Variants in RAF1 observed in about 807,000 individuals in gnomAD.
The protein encoded by RAF1 is Raf-1 proto-oncogene, serine/threonine kinase.
A neutral mutation model predicts 81.1 loss-of-function variants in RAF1; 27 were observed. That is an observed-to-expected ratio of 0.33 (90% CI 0.25 to 0.46). RAF1 has a LOEUF of 0.46. Among genes scored for constraint, RAF1 ranks in the 20% least tolerant of loss-of-function variants. The probability of loss-of-function intolerance (pLI) is 1.00; values close to 1 mark genes in which losing one functional copy is unlikely to be tolerated. For synonymous variants in RAF1, 298 were observed against 294.0 expected (o/e 1.01, Z -0.14); for missense variants, 598 against 826.0 (o/e 0.72, Z 3.38).
chr3:12,634,161 T>C (rs1459488149), intron 1 of RAF1, among the ~76,000 whole-genome samples: 2 of 151,516 alleles, frequency 1.3e-5, no homozygotes, highest in African/African-American at 4.9e-5. Context: ...CTCTTTTTTT[T>C]TTTTTGAGAT....
rs1182899153 is a variant in RAF1 at position 12,584,433 on chromosome 3, C to A, written c.*81G>T. ...GCTTCTCTGAAAACATGTGTTCTGC[C>A]TCTGGAGAAAGGGAGCAGAAAAGTG... On this transcript the variant is annotated 3_prime_UTR_variant, in exon 18 of 18. Transcript: ENST00000442415. 1.1e-5 allele frequency: 18 copies of A among 1,568,570 alleles called. No homozygotes were observed. The highest frequency in any genetic ancestry group is 1.6e-5 in the Non-Finnish European group (18 of 1,141,134).
At chr3:12,609,129 A>G in intron 4 of RAF1, 104 bp downstream of exon 4, 2 of 1,087,724 alleles carry the variant, frequency 1.8e-6, no homozygotes, top group Non-Finnish European at 2.8e-6. Flanking sequence ...AACTTTAAAC[A>G]ATCCAACTAT....
At chr3:12,596,765 A>T (rs1306096320) in intron 11 of RAF1, among the ~76,000 whole-genome samples, 1 of 152,226 alleles carries the variant, frequency 6.6e-6, no homozygotes, top group African/African-American at 2.4e-5. Flanking sequence ...AAAACAATCT[A>T]GAAGTTATGT....
At chr3:12,618,899 A>AC (rs1405728841) in intron 1 of RAF1, among the ~76,000 whole-genome samples, 152 bp from the exon 2 acceptor site, 1 of 152,242 alleles carries the variant, frequency 6.6e-6, no homozygotes, top group Admixed American at 6.5e-5. Context: ...TTAATAGTAC[A>AC]CTTCCATTAA....
At chr3:12,618,397 A>T in intron 2 of RAF1, 118 bp downstream of exon 2, 1 of 1,119,222 alleles carries the variant, frequency 8.9e-7, no homozygotes, top group Non-Finnish European at 1.3e-6. Flanking sequence ...TTAGAAAAAA[A>T]AAAATAAAGA....
At position 12,633,951 on chromosome 3, in the gene RAF1, AC is replaced by A. The variant is rs368870550; in HGVS notation, c.-26-15205del. 8.9e-4 allele frequency among the ~76,000 whole-genome samples: 133 copies of A among 148,976 alleles called. No homozygotes were observed. In the East Asian group the frequency reaches 0.018, roughly 20 times the overall value. On this transcript the variant is annotated intron_variant, in intron 1 of 17. Transcript: ENST00000442415. ...AACTCTCTCAAAAAAAAAAAAAAAA[AC>A]AAAAAAAATCAGGAATCCGAATGAC...
chr3:12,663,178 G>T (rs906692588), intron 1 of RAF1, among the ~76,000 whole-genome samples: 1 of 152,154 alleles, frequency 6.6e-6, no homozygotes, highest in Non-Finnish European at 1.5e-5. Context: ...GAAGCGTCCC[G>T]GCGGCTCTCG....
At chr3:12,591,584 A>C (rs2290160) in intron 12 of RAF1, 124 bp downstream of exon 11, 3 of 802,762 alleles carry the variant, frequency 3.7e-6, no homozygotes, top group Non-Finnish European at 6.5e-6. Flanking sequence ...CCAACCACAG[A>C]AACTCCACAG....
intron 1 of RAF1, among the ~76,000 whole-genome samples, chr3:12,642,208 T>A (rs1305161091): frequency 6.6e-6 from 1 of 150,508 alleles, no homozygotes; most frequent in African/African-American, 2.4e-5. Context: ...CCCAGCACTT[T>A]GAGAGGCTGA....
chr3:12,598,642 T>C (rs1167948569), intron 11 of RAF1, among the ~76,000 whole-genome samples: 1 of 149,030 alleles, frequency 6.7e-6, no homozygotes, highest in Admixed American at 6.8e-5. Flanking sequence ...AGGAGGACTG[T>C]TTGAGCCCAA....
intron 3 of RAF1, 152 bp downstream of exon 3, chr3:12,611,798 T>C (rs1215711903): frequency 5.9e-6 from 4 of 676,138 alleles, no homozygotes; most frequent in East Asian, 5.5e-5. Context: ...AATTTCTTAA[T>C]ACCTATTTTT....
intron 13 of RAF1, chr3:12,590,222 C>G (rs1420142840): frequency 6.3e-6 from 1 of 158,844 alleles, no homozygotes; most frequent in Admixed American, 5.9e-5. Context: ...AAGGTACATG[C>G]ACCCCACTAT....
intron 1 of RAF1, among the ~76,000 whole-genome samples, chr3:12,655,187 A>G (rs1232421904): frequency 6.6e-6 from 1 of 152,154 alleles, no homozygotes; most frequent in Non-Finnish European, 1.5e-5. Flanking sequence ...AGTTCAAGCG[A>G]TTCTCCTGCC....
intron 1 of RAF1, among the ~76,000 whole-genome samples, chr3:12,655,029 AAAAT>A (rs1256992072): frequency 7.0e-6 from 1 of 143,490 alleles, no homozygotes; most frequent in African/African-American, 2.5e-5. Flanking sequence ...TAAAATAGTA[AAAAT>A]AATAATTTTT....
intron 3 of RAF1, among the ~76,000 whole-genome samples, chr3:12,610,757 C>G (rs1180244321): frequency 1.3e-5 from 2 of 152,130 alleles, no homozygotes; most frequent in Non-Finnish European, 2.9e-5. Context: ...TGACGCTTTC[C>G]AAGAAGAGGG....
chr3:12,645,071 C>A (rs769725439), intron 1 of RAF1, among the ~76,000 whole-genome samples: 1 of 140,580 alleles, frequency 7.1e-6, no homozygotes, highest in African/African-American at 2.8e-5. Context: ...TGCACTCCAG[C>A]CTGGTGACAG....
At chr3:12,632,300 G>C (rs1208089430) in intron 1 of RAF1, among the ~76,000 whole-genome samples, 2 of 139,128 alleles carry the variant, frequency 1.4e-5, no homozygotes, top group South Asian at 4.8e-4. Context: ...CTCCAGCCTG[G>C]GCAACAAGGG....
intron 1 of RAF1, among the ~76,000 whole-genome samples, chr3:12,646,220 A>G (rs2060343725): frequency 2.0e-5 from 3 of 152,202 alleles, no homozygotes; most frequent in Admixed American, 6.5e-5. Context: ...AGCTCACTGT[A>G]GCCTCAAACT....
At chr3:12,628,757 G>C (rs1032300265) in intron 1 of RAF1, among the ~76,000 whole-genome samples, 5 of 140,392 alleles carry the variant, frequency 3.6e-5, no homozygotes, top group African/African-American at 1.3e-4. Flanking sequence ...TTTTTGGGGG[G>C]GGGGGGTGGC....
Sources: allele counts gnomAD v4.1 joint callset (sites outside exome capture counted in the v4.1 genomes callset), GRCh38; gene constraint gnomAD v4.1.1; transcripts MANE v1.5; gene names NCBI Gene and HGNC (gene_info 2026-07-23, HGNC 2026-07-21).